The following IMMP2L variants were observed in gnomAD, a reference collection of about 807,000 sequenced individuals.
The protein encoded by IMMP2L is mitochondrial inner membrane protease subunit 2.
In IMMP2L, 18 loss-of-function variants were observed where a neutral mutation model predicts 19.3. The observed-to-expected ratio is 0.93, with a 90% CI of 0.64 to 1.38. The LOEUF (loss-of-function observed/expected upper bound fraction) is 1.38, where lower values mean the gene tolerates loss of function less well. Among genes scored for constraint, IMMP2L ranks in the 40% most tolerant of loss-of-function variants. The pLI is 0.00. For missense variants in IMMP2L, 233 were observed against 218.2 expected (o/e 1.07, Z -0.43); for synonymous variants, 76 against 73.0 (o/e 1.04, Z -0.21).
chr7:110,751,132 C>A (rs978117366), intron 5 of IMMP2L, among the ~76,000 whole-genome samples: 37 of 151,356 alleles, frequency 2.4e-4, no homozygotes, highest in South Asian at 2.1e-4. Flanking sequence ...AAACAACATC[C>A]AGAATCTTTC....
chr7:111,237,143 TC>T (rs762633822), intron 3 of IMMP2L, among the ~76,000 whole-genome samples: 13 of 152,128 alleles, frequency 8.5e-5, no homozygotes, highest in Non-Finnish European at 1.5e-4. Context: ...AATAAATATT[TC>T]CACACCCAGA....
intron 5 of IMMP2L, among the ~76,000 whole-genome samples, chr7:110,765,616 C>T (rs1465806822): frequency 6.6e-6 from 1 of 152,050 alleles, no homozygotes; most frequent in Non-Finnish European, 1.5e-5. Context: ...ATGGCTAGGT[C>T]ATAACTACTG....
intron 1 of IMMP2L, among the ~76,000 whole-genome samples, chr7:111,549,940 C>CAA (rs758510157): frequency 1.7e-4 from 15 of 86,766 alleles, no homozygotes; most frequent in African/African-American, 4.6e-4. Flanking sequence ...GACTCCGTGT[C>CAA]AAAAAAAAAA....
At chr7:110,785,675 G>A (rs1800025336) in intron 5 of IMMP2L, among the ~76,000 whole-genome samples, 1 of 151,888 alleles carries the variant, frequency 6.6e-6, no homozygotes, top group South Asian at 2.1e-4. Flanking sequence ...TGAGAGGAAT[G>A]CATATTTGTC....
chr7:111,451,355 A>C (rs1839148885), intron 3 of IMMP2L, among the ~76,000 whole-genome samples: 2 of 151,368 alleles, frequency 1.3e-5, no homozygotes, highest in South Asian at 4.2e-4. Context: ...AATGTGGCAC[A>C]TATACACCAT....
At chr7:111,117,564 T>C (rs530315683) in intron 3 of IMMP2L, among the ~76,000 whole-genome samples, 4 of 152,074 alleles carry the variant, frequency 2.6e-5, no homozygotes, top group Non-Finnish European at 5.9e-5. Context: ...ATAATTTGTT[T>C]TGAAAAACTG....
intron 3 of IMMP2L, among the ~76,000 whole-genome samples, chr7:111,058,380 T>A (rs1433726089): frequency 6.6e-6 from 1 of 152,178 alleles, no homozygotes; most frequent in Non-Finnish European, 1.5e-5. Flanking sequence ...TTGTTTGCAA[T>A]AATTCAAACT....
chr7:111,154,645 G>A (rs1204248365), intron 3 of IMMP2L, among the ~76,000 whole-genome samples: 3 of 152,156 alleles, frequency 2.0e-5, no homozygotes, highest in Non-Finnish European at 4.4e-5. Flanking sequence ...TACTTGCTGT[G>A]AACTAGGGAT....
intron 3 of IMMP2L, among the ~76,000 whole-genome samples, chr7:111,432,834 A>C (rs1012625463): frequency 6.6e-6 from 1 of 151,570 alleles, no homozygotes; most frequent in African/African-American, 2.4e-5. Context: ...AGATTTGATA[A>C]ATGAATTCAG....
chr7:111,319,496 A>C (rs1440944854), intron 3 of IMMP2L, among the ~76,000 whole-genome samples: 3 of 152,106 alleles, frequency 2.0e-5, no homozygotes, highest in South Asian at 2.1e-4. Context: ...TAGGGTAGAA[A>C]GTGGAAGAAG....
At chr7:111,290,833 C>G (rs919686026) in intron 3 of IMMP2L, among the ~76,000 whole-genome samples, 1 of 149,702 alleles carries the variant, frequency 6.7e-6, no homozygotes, top group Non-Finnish European at 1.5e-5. Context: ...TACAAACACA[C>G]ACACACACAC....
Position 111,539,120 on chromosome 7 carries a change from AAAAAG to A in IMMP2L, c.-2-17676_-2-17672del, listed in dbSNP as rs375415286. Among the ~76,000 whole-genome samples, 1,335 of 140,682 alleles carry A rather than the reference AAAAAG, an allele frequency of 9.5e-3. 50 individuals are homozygous for A. The highest frequency in any genetic ancestry group is 0.035 in the African/African-American group (1,258 of 35,578). 92.3% of individuals were successfully genotyped at this position (140,682 alleles called of 152,430 possible). A position where few individuals can be genotyped will look rare whatever the true frequency, so the allele number is the denominator to read the frequency against. ...GCGACAGAACAAGACTCCATCTCACAAAAAGAAAAGAAAAGGAAGGAAGGAAGGAA... is the reference window on the plus strand; with the variant it reads ...GCGACAGAACAAGACTCCATCTCACAAAAAGAAAAGGAAGGAAGGAAGGAA... On this transcript the variant is annotated intron_variant, in intron 1 of 5. Transcript: ENST00000405709.
chr7:111,136,461 A>G (rs1802358208), intron 3 of IMMP2L, among the ~76,000 whole-genome samples: 2 of 152,170 alleles, frequency 1.3e-5, no homozygotes, highest in South Asian at 4.1e-4. Flanking sequence ...TCTACATCCC[A>G]TAGGGCAGCC....
chr7:110,867,487 A>C (rs1808094456), intron 5 of IMMP2L, among the ~76,000 whole-genome samples: 2 of 152,136 alleles, frequency 1.3e-5, no homozygotes, highest in South Asian at 2.1e-4. Flanking sequence ...ATGTATGAGC[A>C]AGAAAGTTTT....
At chr7:111,146,205 T>A (rs1268670779) in intron 3 of IMMP2L, among the ~76,000 whole-genome samples, 1 of 118,088 alleles carries the variant, frequency 8.5e-6, no homozygotes, top group African/African-American at 3.3e-5. Context: ...CTTGTCAATA[T>A]AACATGGTTT....
intron 5 of IMMP2L, among the ~76,000 whole-genome samples, chr7:110,701,013 C>A (rs1382204119): frequency 2.0e-5 from 3 of 152,072 alleles, no homozygotes; most frequent in Non-Finnish European, 2.9e-5. Flanking sequence ...TTTTAACAGA[C>A]CTAAATTATT....
At chr7:111,131,627 G>T (rs214860) in intron 3 of IMMP2L, among the ~76,000 whole-genome samples, 13,261 of 151,798 alleles carry the variant, frequency 0.087, 1,313 homozygotes, top group African/African-American at 0.24. Context: ...AGACAGGCCT[G>T]CACATCTCTT....
chr7:111,122,571 C>G, intron 3 of IMMP2L: 1 of 556,494 alleles, frequency 1.8e-6, no homozygotes, highest in Non-Finnish European at 3.2e-6. Context: ...GTAACCTTCT[C>G]TTCTCCAATA....
At chr7:111,182,425 C>T (rs1341416136) in intron 3 of IMMP2L, among the ~76,000 whole-genome samples, 1 of 151,850 alleles carries the variant, frequency 6.6e-6, no homozygotes, top group Non-Finnish European at 1.5e-5. Flanking sequence ...AGAGCCCAGT[C>T]CCCGAAAACT....
Sources: allele counts gnomAD v4.1 joint callset (sites outside exome capture counted in the v4.1 genomes callset), GRCh38; gene constraint gnomAD v4.1.1; transcripts MANE v1.5; gene names NCBI Gene and HGNC (gene_info 2026-07-23, HGNC 2026-07-21).